Variants in ATP10A observed in about 807,000 individuals in gnomAD.
The protein encoded by ATP10A is phospholipid-transporting ATPase VA.
A neutral mutation model predicts 147.8 loss-of-function variants in ATP10A; 111 were observed. The observed-to-expected ratio is 0.75, with a 90% CI of 0.64 to 0.88. The LOEUF is 0.88. Among genes scored for constraint, ATP10A ranks in the 40% least tolerant of loss-of-function variants. ATP10A has a pLI of 0.00. For missense variants in ATP10A, 1,927 were observed against 1,959.0 expected (o/e 0.98, Z 0.31); for synonymous variants, 875 against 841.6 (o/e 1.04, Z -0.69).
intron 3 of ATP10A, among the ~76,000 whole-genome samples, chr15:25,733,498 T>C (rs771290517): frequency 6.6e-6 from 1 of 152,166 alleles, no homozygotes; most frequent in Non-Finnish European, 1.5e-5. Flanking sequence ...GGGGCAGGGC[T>C]GCTCCCCTTG....
At chr15:25,753,556 AC>A (rs1031060144) in intron 2 of ATP10A, among the ~76,000 whole-genome samples, 2 of 148,850 alleles carry the variant, frequency 1.3e-5, no homozygotes, top group East Asian at 2.0e-4. Flanking sequence ...CCCTAACTGC[AC>A]CCCCCCACAA....
At chr15:25,744,364 G>T (rs1887734529) in intron 2 of ATP10A, among the ~76,000 whole-genome samples, 1 of 152,162 alleles carries the variant, frequency 6.6e-6, no homozygotes, top group African/African-American at 2.4e-5. Flanking sequence ...GTGTGTGCAT[G>T]TATGTGTGTG....
chr15:25,782,597 C>A (rs1889976267), intron 1 of ATP10A, among the ~76,000 whole-genome samples: 1 of 152,156 alleles, frequency 6.6e-6, no homozygotes, highest in Non-Finnish European at 1.5e-5. Flanking sequence ...CTCCCAGGGA[C>A]ACATTCCAAG....
intron 15 of ATP10A, among the ~76,000 whole-genome samples, chr15:25,688,942 A>G (rs1899856544): frequency 6.6e-6 from 1 of 152,212 alleles, no homozygotes; most frequent in South Asian, 2.1e-4. Context: ...AGACTCCACT[A>G]TTGCCAGCCA....
chr15:25,786,887 G>A (rs987712897), intron 1 of ATP10A, among the ~76,000 whole-genome samples: 25 of 150,472 alleles, frequency 1.7e-4, no homozygotes, highest in Admixed American at 4.0e-4. Context: ...TGCCCGTCTC[G>A]GCCTCCCAAA....
chr15:25,857,677 C>T (rs35665837), intron 1 of ATP10A, among the ~76,000 whole-genome samples: 27,833 of 151,998 alleles, frequency 0.18, 2,819 homozygotes, highest in African/African-American at 0.27. Flanking sequence ...GGCAGTTTGT[C>T]ACATGTGCAC....
chr15:25,673,568 C>T (rs1445132237), downstream of ATP10A, among the ~76,000 whole-genome samples: 2 of 152,196 alleles, frequency 1.3e-5, no homozygotes, highest in African/African-American at 4.8e-5. Context: ...CGACGTTGCC[C>T]TTCCAAGTGA....
chr15:25,719,690 G>A (rs560806381), intron 7 of ATP10A, among the ~76,000 whole-genome samples: 1 of 152,272 alleles, frequency 6.6e-6, no homozygotes, highest in East Asian at 1.9e-4. Flanking sequence ...GTTTCTGATC[G>A]GCAGTGGCCC....
chr15:25,819,511 T>G (rs543651717), intron 1 of ATP10A, among the ~76,000 whole-genome samples: 9 of 151,950 alleles, frequency 5.9e-5, no homozygotes, highest in Non-Finnish European at 1.2e-4. Flanking sequence ...GAAAACAATA[T>G]GGAGATTTCT....
In ATP10A at chr15:25,812,086, G is replaced by A. The variant is rs75087149; in HGVS notation, c.450-30863C>T. 2.5e-3 allele frequency among the ~76,000 whole-genome samples: 374 copies of A among 152,328 alleles called. 10 individuals carry two copies. The East Asian group carries it at 0.059, about 24-fold the overall frequency. ...CTAAAATGGAGTGAACGTTTATAGC[G>A]GCAAAGATGGCAGCCAGGGTTTGGG... On this transcript the variant is annotated intron_variant, in intron 1 of 20. Transcript: ENST00000555815.
chr15:25,780,369 C>T (rs1889855655), intron 2 of ATP10A, among the ~76,000 whole-genome samples: 1 of 152,256 alleles, frequency 6.6e-6, no homozygotes. Flanking sequence ...TAGGGTCTTC[C>T]TGATCTCTGA....
intron 5 of ATP10A, 106 bp from the exon 6 acceptor site, chr15:25,724,127 C>A: frequency 8.1e-7 from 1 of 1,237,134 alleles, no homozygotes; most frequent in Non-Finnish European, 1.1e-6. Context: ...GATGCAAGCA[C>A]ATTTGGTTTT....
intron 5 of ATP10A, among the ~76,000 whole-genome samples, chr15:25,724,995 C>T (rs1273148051): frequency 1.3e-5 from 2 of 152,136 alleles, no homozygotes; most frequent in Non-Finnish European, 2.9e-5. Flanking sequence ...AGCAGGGGTC[C>T]CTAATCCCCA....
At chr15:25,809,774 A>C (rs138001302) in intron 1 of ATP10A, among the ~76,000 whole-genome samples, 6,575 of 152,202 alleles carry the variant, frequency 0.043, 172 homozygotes, top group African/African-American at 0.073. Context: ...CTGTAACTTA[A>C]GCACGGGAAG....
intron 1 of ATP10A, among the ~76,000 whole-genome samples, chr15:25,788,701 T>G (rs1390730213): frequency 6.6e-6 from 1 of 152,258 alleles, no homozygotes; most frequent in Non-Finnish European, 1.5e-5. Context: ...GCTGTTACTT[T>G]GATTTTTTTA....
Position 25,727,335 on chromosome 15 carries a change from C to T in ATP10A, c.741-69G>A. On this transcript the variant is annotated intron_variant, in intron 3 of 20. Transcript: ENST00000555815. ...TGCCTCATGTCTGGAGCCGCAATGC[C>T]TTGAGGAAGGAAGGCCCTGACACAA... 7 of 1,297,614 alleles carry T rather than the reference C, an allele frequency of 5.4e-6. 1 individual carries two copies. Among genetic ancestry groups the T allele is most frequent in the Middle Eastern group, 4.3e-4 (2 of 4,606 alleles). 80.4% of individuals were successfully genotyped at this position (1,297,614 alleles called of 1,614,324 possible). A position where few individuals can be genotyped will look rare whatever the true frequency, so the allele number is the denominator to read the frequency against.
chr15:25,813,321 C>T (rs1277322833), intron 1 of ATP10A, among the ~76,000 whole-genome samples: 2 of 152,116 alleles, frequency 1.3e-5, no homozygotes, highest in African/African-American at 4.8e-5. Flanking sequence ...GGGGAAAATG[C>T]CTGGATTAAA....
rs74348557 is a variant in ATP10A at position 25,699,684 on chromosome 15, C to T, written c.2760+2232G>A. On this transcript the variant is annotated intron_variant, in intron 13 of 20. Coordinates refer to ENST00000555815, the MANE Select transcript of ATP10A (RefSeq NM_024490.4). ...AGGATTTTGACACCAGCCTGGGCAA[C>T]GCTGGGGCATCCCATCTCTTAAAAA... Among the ~76,000 whole-genome samples, 208 of 152,134 alleles carry T rather than the reference C, an allele frequency of 1.4e-3. 5 individuals carry two copies. In the East Asian group the frequency reaches 0.031, roughly 23 times the overall value.
chr15:25,808,720 C>T (rs889893517), intron 1 of ATP10A, among the ~76,000 whole-genome samples: 1 of 152,200 alleles, frequency 6.6e-6, no homozygotes, highest in Non-Finnish European at 1.5e-5. Context: ...ATTCCCAACT[C>T]AGGTATTTTT....
Sources: allele counts gnomAD v4.1 joint callset (sites outside exome capture counted in the v4.1 genomes callset), GRCh38; gene constraint gnomAD v4.1.1; transcripts MANE v1.5; gene names NCBI Gene and HGNC (gene_info 2026-07-23, HGNC 2026-07-21).